Variants in LPP observed in about 807,000 individuals in gnomAD.
LPP encodes LIM domain containing preferred translocation partner in lipoma.
Under a neutral mutation model 60.4 loss-of-function variants are expected in LPP, and 38 were observed. The observed-to-expected ratio is 0.63, with a 90% CI of 0.49 to 0.83. The LOEUF (loss-of-function observed/expected upper bound fraction) is 0.83. Ranked by LOEUF, LPP falls within the 40% of genes least tolerant of loss-of-function variation. The probability of loss-of-function intolerance (pLI) is 0.00; values close to 1 mark genes in which losing one functional copy is unlikely to be tolerated. For missense variants in LPP, 902 were observed against 783.6 expected, an observed-to-expected ratio of 1.15 and a Z score of -1.80; for synonymous variants, 328 against 290.8, an observed-to-expected ratio of 1.13 and a Z score of -1.30.
intron 1 of LPP, among the ~76,000 whole-genome samples, chr3:188,202,642 C>T (rs1354923007): frequency 1.3e-5 from 2 of 152,214 alleles, no homozygotes; most frequent in East Asian, 3.8e-4. Flanking sequence ...GGGATGGCAG[C>T]CGCGTGCGTT....
chr3:188,237,250 C>G (rs573265256), intron 2 of LPP, among the ~76,000 whole-genome samples: 2 of 152,194 alleles, frequency 1.3e-5, no homozygotes, highest in Non-Finnish European at 2.9e-5. Flanking sequence ...TTCTAGTTCT[C>G]TTGCTATTTT....
intron 7 of LPP, among the ~76,000 whole-genome samples, chr3:188,634,404 T>G (rs918838117): frequency 6.6e-6 from 1 of 152,222 alleles, no homozygotes. Context: ...GAATGAGGCC[T>G]GAAGTCATTT....
intron 2 of LPP, among the ~76,000 whole-genome samples, chr3:188,324,971 C>CA (rs1757992467): frequency 6.6e-6 from 1 of 151,134 alleles, no homozygotes. Context: ...ATGTTCTCTC[C>CA]TTTTTTTTTC....
intron 4 of LPP, among the ~76,000 whole-genome samples, chr3:188,421,546 G>T (rs980613034): frequency 1.2e-4 from 19 of 152,274 alleles, no homozygotes; most frequent in Admixed American, 2.6e-4. Context: ...GTTGGCCAAA[G>T]TCTCTTCAGA....
intron 9 of LPP, among the ~76,000 whole-genome samples, chr3:188,841,393 GTT>G (rs71169023): frequency 0.015 from 1,714 of 112,812 alleles, 48 homozygotes; most frequent in African/African-American, 0.055. Context: ...TTCTGAATTT[GTT>G]TTTTTTTTTT....
chr3:188,601,990 C>T (rs1275214025), intron 6 of LPP, among the ~76,000 whole-genome samples: 1 of 150,118 alleles, frequency 6.7e-6, no homozygotes, highest in African/African-American at 2.4e-5. Context: ...ATTCCTTGAA[C>T]ACGCGAGGCA....
intron 5 of LPP, among the ~76,000 whole-genome samples, chr3:188,505,697 ATATC>A: frequency 6.6e-6 from 1 of 152,178 alleles, no homozygotes; most frequent in Non-Finnish European, 1.5e-5. Flanking sequence ...CTTTCTTTGT[ATATC>A]TATCACCAAG....
rs183952617 is a variant in LPP at position 188,580,614 on chromosome 3, A to G, written c.430-28547A>G. Among the ~76,000 whole-genome samples the G allele has an allele frequency of 2.6e-3, 390 of 152,312 alleles. 3 individuals are homozygous for G. The highest frequency in any genetic ancestry group is 8.5e-3 in the African/African-American group (354 of 41,562). ...TGTTGTATTTAGGGTGGGAATCATTATGTAGCAAGAGTGGTCTACATATTG... is the reference window on the plus strand; with the variant it reads ...TGTTGTATTTAGGGTGGGAATCATTGTGTAGCAAGAGTGGTCTACATATTG... On this transcript the variant is annotated intron_variant, in intron 6 of 11. Transcript: ENST00000617246.
At chr3:188,753,686 A>T (rs1728928202) in intron 8 of LPP, among the ~76,000 whole-genome samples, 1 of 151,320 alleles carries the variant, frequency 6.6e-6, no homozygotes, top group East Asian at 2.0e-4. Context: ...ATGTTTCTTA[A>T]TGTGACTGTC....
At chr3:188,484,536 G>A (rs916223141) in intron 4 of LPP, 56 bp from the exon 5 acceptor site, 40 of 1,214,816 alleles carry the variant, frequency 3.3e-5, no homozygotes, top group African/African-American at 1.5e-4. Flanking sequence ...AATATATCAC[G>A]AGTACTATAA....
intron 8 of LPP, chr3:188,746,538 C>G: frequency 6.1e-6 from 3 of 488,226 alleles, no homozygotes; most frequent in South Asian, 4.6e-5. Context: ...TGCTGAAGAC[C>G]TTCAACTTTG....
chr3:188,531,931 C>G (rs1406101742), intron 6 of LPP, among the ~76,000 whole-genome samples: 1 of 152,082 alleles, frequency 6.6e-6, no homozygotes, highest in African/African-American at 2.4e-5. Context: ...GCCCCACCAC[C>G]GCAGCTTGTG....
chr3:188,869,823 T>A (rs1259444951), intron 10 of LPP, among the ~76,000 whole-genome samples: 2 of 152,216 alleles, frequency 1.3e-5, no homozygotes, highest in African/African-American at 4.8e-5. Context: ...TGGTCAATGT[T>A]GACTCATATC....
At chr3:188,453,377 C>T (rs1797026433) in intron 4 of LPP, among the ~76,000 whole-genome samples, 1 of 151,884 alleles carries the variant, frequency 6.6e-6, no homozygotes, top group Non-Finnish European at 1.5e-5. Flanking sequence ...GGTTTCTAAA[C>T]ACTCTTCACC....
chr3:188,282,283 T>C (rs1288035838), intron 2 of LPP, among the ~76,000 whole-genome samples: 1 of 152,192 alleles, frequency 6.6e-6, no homozygotes, highest in Admixed American at 6.5e-5. Flanking sequence ...AGCTCTGAAT[T>C]GTCAGGTTCC....
intron 5 of LPP, among the ~76,000 whole-genome samples, chr3:188,512,610 T>C (rs1252954470): frequency 2.7e-5 from 4 of 150,434 alleles, no homozygotes; most frequent in Admixed American, 6.6e-5. Flanking sequence ...CCACCCTCTG[T>C]ACGTTTCCAT....
intron 2 of LPP, among the ~76,000 whole-genome samples, chr3:188,232,504 ATTT>A (rs71634069): frequency 9.7e-6 from 1 of 103,232 alleles, no homozygotes; most frequent in African/African-American, 3.6e-5. Flanking sequence ...ACACCCGGCT[ATTT>A]TTTTTTTTTT....
intron 6 of LPP, among the ~76,000 whole-genome samples, chr3:188,569,502 T>C (rs879843951): frequency 3.3e-5 from 5 of 152,022 alleles, no homozygotes; most frequent in Non-Finnish European, 7.4e-5. Flanking sequence ...TAGCCAATTA[T>C]TTCTGATATT....
chr3:188,830,237 A>C (rs1756773796), intron 9 of LPP, among the ~76,000 whole-genome samples: 1 of 151,858 alleles, frequency 6.6e-6, no homozygotes, highest in Non-Finnish European at 1.5e-5. Context: ...GATTGTAAAG[A>C]ATATAGAATG....
Sources: allele counts gnomAD v4.1 joint callset (sites outside exome capture counted in the v4.1 genomes callset), GRCh38; gene constraint gnomAD v4.1.1; transcripts MANE v1.5; gene names NCBI Gene and HGNC (gene_info 2026-07-23, HGNC 2026-07-21).